DNAH2: variants seen among roughly 807,000 people sequenced by gnomAD.
DNAH2 encodes the protein axonemal beta dynein heavy chain 2.
In DNAH2, 323 loss-of-function variants were observed where a neutral mutation model predicts 523.5. The observed-to-expected ratio is 0.62, with a 90% CI of 0.56 to 0.68. The LOEUF (loss-of-function observed/expected upper bound fraction) is 0.68, where lower values mean the gene tolerates loss of function less well. Ranked by LOEUF, DNAH2 falls within the 30% of genes least tolerant of loss-of-function variation. DNAH2 has a pLI of 0.00. For synonymous variants in DNAH2, 2,093 were observed against 2,177.4 expected, an observed-to-expected ratio of 0.96 and a Z score of 1.08; for missense variants, 4,907 against 5,701.5, an observed-to-expected ratio of 0.86 and a Z score of 4.49.
chr17:7,740,953 G>T lies in DNAH2; in HGVS notation c.1650G>T (p.Trp550Cys). 3 of 1,609,744 alleles carry T rather than the reference G, an allele frequency of 1.9e-6. No individual in the cohort carries two copies. The highest frequency in any genetic ancestry group is 2.6e-6 in the Non-Finnish European group (3 of 1,176,448). Residue 550 changes from tryptophan to cysteine, a missense_variant, in exon 11 of 86, where the codon TGG becomes TGT. By Grantham distance (215) the Trp-to-Cys change is radical (BLOSUM62 -2). Coordinates refer to ENST00000572933, the MANE Select transcript of DNAH2 (RefSeq NM_020877.5). Reference protein sequence around the residue: ...YVAQYSGKARWVHILRRRIDR... With the variant: ...YVAQYSGKARCVHILRRRIDR... ...CCCAGTATTCCGGAAAGGCGCGCTGGGTGCACATCCTCCGGCGTCGCATCG... is the reference window on the plus strand; with the variant it reads ...CCCAGTATTCCGGAAAGGCGCGCTGTGTGCACATCCTCCGGCGTCGCATCG...
In DNAH2 at chr17:7,821,361, G is replaced by A. The variant is rs1349434918; in HGVS notation, c.11134G>A (p.Gly3712Arg). 1.9e-6 allele frequency: 3 copies of A among 1,612,900 alleles called. No individual in the cohort carries two copies. The highest frequency in any genetic ancestry group is 2.5e-6 in the Non-Finnish European group (3 of 1,179,288). The change falls in exon 73 of 86, where the codon GGG becomes AGG. Residue 3712 changes from glycine (G) to arginine (R), a missense_variant. Transcript: ENST00000572933. This position sits in a 1 kb window ranked among gnomAD's most constrained non-coding sequence, Gnocchi z 5.0. Reference sequence around the variant, plus strand: ...GGATGAATACAACTTCTTTCTACGTGGGGGTGTGGTGAGTTGGGCAGAGAG... The same window carrying A: ...GGATGAATACAACTTCTTTCTACGTAGGGGTGTGGTGAGTTGGGCAGAGAG... ...NMDEYNFFLR[G>R]GVVLDREGQM...
intron 12 of DNAH2, among the ~76,000 whole-genome samples, chr17:7,749,629 C>T (rs921218197): frequency 6.6e-6 from 1 of 152,092 alleles, no homozygotes; most frequent in African/African-American, 2.4e-5. Context: ...TTGTTCACTG[C>T]TGAGTTGAGT....
rs1355057567 is a variant in DNAH2, at chr17:7,776,736, G to A, written c.4948-43G>A. On this transcript the variant is annotated intron_variant, in intron 31 of 85. Coordinates refer to ENST00000572933, the MANE Select transcript of DNAH2 (RefSeq NM_020877.5). Reference sequence around the variant, plus strand: ...ACTTGGGAGCTGGGCTGTGCGTGTAGCCAAGGACAGGGCTTTGGGACGTGG... The same window carrying A: ...ACTTGGGAGCTGGGCTGTGCGTGTAACCAAGGACAGGGCTTTGGGACGTGG... 3.9e-6 allele frequency: 6 copies of A among 1,537,112 alleles called. No individual in the cohort carries two copies. The Admixed American group carries it at 8.5e-5, about 22-fold the overall frequency.
chr17:7,833,288 C>T (rs2078244707), intron 85 of DNAH2, 67 bp downstream of exon 85: 2 of 1,607,058 alleles, frequency 1.2e-6, no homozygotes, highest in Non-Finnish European at 1.7e-6. Context: ...CCATTCTCTG[C>T]TCCAGCCCAT....
At chr17:7,785,966 G>T (rs1289132134) in intron 39 of DNAH2, among the ~76,000 whole-genome samples, 158 bp from the exon 40 acceptor site, 1 of 152,092 alleles carries the variant, frequency 6.6e-6, no homozygotes. Context: ...CTCTGCAATG[G>T]GCCAGCTTCC....
In DNAH2 at chr17:7,799,211, C is replaced by T. The variant is rs2077154635; in HGVS notation, c.8668C>T (p.Leu2890Phe). ...CGTGCAGAACAACCTGCACATCGTG[C>T]TCTGCCTCAGCCCCATGGGGGATCC... ...ERVQNNLHIV[L>F]CLSPMGDPFR... Residue 2890 changes from leucine to phenylalanine, a missense_variant, in exon 56 of 86, where the codon CTC (leucine) becomes TTC (phenylalanine). Leu to Phe is a conservative substitution (Grantham distance 22). This residue lies in a region of DNAH2 where 1,851 missense variants were observed against 2,139.4 expected (regional missense o/e 0.87). Transcript: ENST00000572933. 6.2e-7 allele frequency: 1 copy of T among 1,614,270 alleles called. No homozygotes were observed. Among genetic ancestry groups the T allele is most frequent in the Non-Finnish European group, 8.5e-7 (1 of 1,180,056 alleles).
At chr17:7,755,563 G>A (rs1046949947) in intron 12 of DNAH2, among the ~76,000 whole-genome samples, 3 of 152,286 alleles carry the variant, frequency 2.0e-5, no homozygotes, top group Middle Eastern at 3.4e-3. Flanking sequence ...GGGGTCAGTG[G>A]TCTGAAAAAT....
At chr17:7,813,920 A>AT (rs1266178347) in intron 63 of DNAH2, among the ~76,000 whole-genome samples, 1 of 152,086 alleles carries the variant, frequency 6.6e-6, no homozygotes, top group Admixed American at 6.6e-5. Context: ...AAAAAAAAAA[A>AT]AAAATTATTT....
Position 7,831,518 on chromosome 17 carries a change from C to T in DNAH2, c.12588C>T (p.Tyr4196=), listed in dbSNP as rs2078174213. 2 of 1,614,196 alleles carry T rather than the reference C, an allele frequency of 1.2e-6. No homozygotes were observed. Among genetic ancestry groups the T allele is most frequent in the African/African-American group, 2.7e-5 (2 of 75,054 alleles). ...TCCTTCTGCAGGAGATCCAGAGATA[C>T]AACACACTGATGCAGACCATCCTGT... ...NVVLLQEIQR[Y]NTLMQTILFS... The change falls in exon 81 of 86, where the codon TAC becomes TAT. Residue 4196 remains tyrosine (Y), a synonymous_variant. Transcript: ENST00000572933. This position sits in a 1 kb window ranked among gnomAD's most constrained non-coding sequence, Gnocchi z 4.2.
At position 7,817,976 on chromosome 17, in the gene DNAH2, G is replaced by A. The variant is rs117288648; in HGVS notation, c.10267G>A (p.Asp3423Asn). 258 of 1,614,030 alleles carry A rather than the reference G, an allele frequency of 1.6e-4. No individual in the cohort carries two copies. Among genetic ancestry groups the A allele is most frequent in the East Asian group, 4.7e-4 (21 of 44,876 alleles). Residue 3423 changes from aspartate to asparagine, a missense_variant, in exon 68 of 86, where the codon GAT becomes AAT. By Grantham distance (23) the Asp-to-Asn change is conservative. Transcript: ENST00000572933. ...GLKIIDLQMSDYLRILEHAIH... is the reference protein window; with the variant it reads ...GLKIIDLQMSNYLRILEHAIH... ...GAAGATCATCGACCTGCAGATGAGC[G>A]ATTACCTGCGAATCCTAGAACACGC...
rs896650682 is a variant in DNAH2 at position 7,792,806 on chromosome 17, C to A, written c.7295C>A (p.Ser2432Tyr). 1 of 1,614,072 alleles carries A rather than the reference C, an allele frequency of 6.2e-7. No individual in the cohort carries two copies. The highest frequency in any genetic ancestry group is 1.3e-5 in the African/African-American group (1 of 74,934). The change falls in exon 47 of 86, where the codon TCC becomes TAC. Residue 2432 changes from serine (S) to tyrosine (Y), a missense_variant. By Grantham distance (144) the Ser-to-Tyr change is moderately radical (BLOSUM62 -2). Transcript: ENST00000572933. ...KTSIAQSVLQ[S>Y]LPSSQWSVLV... The stretch of plus-strand genomic sequence containing the variant: ...TCCATCGCCCAGAGCGTTCTGCAGT[C>A]CCTGCCCTCCAGCCAGTGGTCGGTG...
In DNAH2 at chr17:7,749,308, C is replaced by CAAAAAAAAAAAAAAAA. The variant is rs57660603; in HGVS notation, c.1904+6191_1904+6206dup. On this transcript the variant is annotated intron_variant, in intron 12 of 85. Transcript: ENST00000572933. ...GGGCAACAAGAGCTAAACTCCCCCC[C>CAAAAAAAAAAAAAAAA]AAAAAAAAAAAAAAAAAAAAAAAAA... Among the ~76,000 whole-genome samples the CAAAAAAAAAAAAAAAA allele has an allele frequency of 9.3e-3, 166 of 17,766 alleles. 70 individuals are homozygous for CAAAAAAAAAAAAAAAA. The highest frequency in any genetic ancestry group is 0.022 in the South Asian group (8 of 364). 11.7% of individuals were successfully genotyped at this position (17,766 alleles called of 152,430 possible).
chr17:7,737,201 C>T lies in DNAH2; in HGVS notation c.1113C>T (p.Ile371=), dbSNP rs1309676698. Residue 371 remains isoleucine, a synonymous_variant, in exon 8 of 86, where the codon ATC becomes ATT. Coordinates refer to ENST00000572933, the MANE Select transcript of DNAH2 (RefSeq NM_020877.5). ...LPKLISLIRI[I]WVNSPHYNTR... ...AGCTGATCAGTCTCATCCGCATCAT[C>T]TGGGTCAACTCTCCCCACTACAACA... 6.2e-7 allele frequency: 1 copy of T among 1,614,142 alleles called. No homozygotes were observed. Among genetic ancestry groups the T allele is most frequent in the South Asian group, 1.1e-5 (1 of 91,088 alleles).
intron 13 of DNAH2, among the ~76,000 whole-genome samples, chr17:7,758,173 TA>T (rs559128845): frequency 2.5e-4 from 38 of 152,312 alleles, no homozygotes; most frequent in East Asian, 7.7e-4. Flanking sequence ...AAAATTTGAT[TA>T]CTCATTGGTA....
In DNAH2 at chr17:7,828,464, T is replaced by G. The variant is rs2078079658; in HGVS notation, c.11854-1836T>G. ...CCATTTATTCATTTTTTCCTCTTTT[T>G]TTAGACAGAGAGGGTCTTGCTCTAT... On this transcript the variant is annotated intron_variant, in intron 77 of 85. Transcript: ENST00000572933. The surrounding 1 kb of genome is among the most constrained non-coding windows in gnomAD (Gnocchi z 4.1). 6.6e-6 allele frequency among the ~76,000 whole-genome samples: 1 copy of G among 152,190 alleles called. No homozygotes were observed. Among genetic ancestry groups the G allele is most frequent in the South Asian group, 2.1e-4 (1 of 4,836 alleles).
At chr17:7,728,029 G>A (rs2074877920) in intron 4 of DNAH2, among the ~76,000 whole-genome samples, 1 of 152,152 alleles carries the variant, frequency 6.6e-6, no homozygotes, top group African/African-American at 2.4e-5. Flanking sequence ...AGTGGGAAGT[G>A]ATACTGAAAG....
rs1199136573 is a variant in DNAH2 at position 7,743,014 on chromosome 17, T to A, written c.1776T>A (p.Asp592Glu). Reference sequence around the variant, plus strand: ...ATCAGCAGATGGTCCAGGCCATTGATGAGCTGGTTCGAAAAACCTTCCAAG... The same window carrying A: ...ATCAGCAGATGGTCCAGGCCATTGAAGAGCTGGTTCGAAAAACCTTCCAAG... Reference protein sequence around the residue: ...HTYQQMVQAIDELVRKTFQEW... With the variant: ...HTYQQMVQAIEELVRKTFQEW... Residue 592 changes from aspartate (D) to glutamate (E), a missense_variant, in exon 12 of 86, where the codon GAT (aspartate) becomes GAA (glutamate). Asp to Glu is a conservative substitution (Grantham distance 45). Coordinates refer to ENST00000572933, the MANE Select transcript of DNAH2 (RefSeq NM_020877.5). 1 of 1,523,242 alleles carries A rather than the reference T, an allele frequency of 6.6e-7. No homozygotes were observed. The highest frequency in any genetic ancestry group is 8.8e-7 in the Non-Finnish European group (1 of 1,139,466). The allele number at this position is 1,523,242 out of a possible 1,614,324, so 94.4% of individuals were successfully genotyped here.
chr17:7,785,724 T>C (rs973637393), intron 39 of DNAH2, among the ~76,000 whole-genome samples: 7 of 152,224 alleles, frequency 4.6e-5, no homozygotes, highest in Admixed American at 2.0e-4. Context: ...AGCTCTGCAA[T>C]AGGACGAAAT....
At chr17:7,814,455 T>A (rs1272198806) in intron 63 of DNAH2, among the ~76,000 whole-genome samples, 2 of 152,200 alleles carry the variant, frequency 1.3e-5, no homozygotes, top group African/African-American at 4.8e-5. Flanking sequence ...TAAGTTTTCA[T>A]AATAATTTTT....
Sources: gnomAD v4.1 joint callset for allele counts (sites outside exome capture counted in the v4.1 genomes callset) on GRCh38, gnomAD v4.1.1 for gene constraint, gnomAD v4.1.1 regional missense constraint, Gnocchi (gnomAD v3.1) non-coding constraint, MANE v1.5 for transcripts, NCBI Gene and HGNC (gene_info 2026-07-23, HGNC 2026-07-21) for gene names.